Variants in SHANK2 observed in about 807,000 individuals in gnomAD.
The protein encoded by SHANK2 is SH3 and multiple ankyrin repeat domains 2.
A neutral mutation model predicts 133.7 loss-of-function variants in SHANK2; 43 were observed. That is an observed-to-expected ratio of 0.32 (90% CI 0.25 to 0.41). The LOEUF is 0.41. Among genes scored for constraint, SHANK2 ranks in the 10% least tolerant of loss-of-function variants. SHANK2 has a pLI of 1.00. For missense variants in SHANK2, 1,994 were observed against 2,235.8 expected (o/e 0.89, Z 2.18); for synonymous variants, 1,017 against 952.8 (o/e 1.07, Z -1.24).
intron 14 of SHANK2, among the ~76,000 whole-genome samples, chr11:70,699,934 G>A (rs1274514076): frequency 6.6e-6 from 1 of 152,194 alleles, no homozygotes; most frequent in Non-Finnish European, 1.5e-5. Flanking sequence ...TCCAAGCTTA[G>A]GCTTTTTAGA....
chr11:70,866,876 G>A (rs1390762248), intron 11 of SHANK2, among the ~76,000 whole-genome samples: 11 of 152,024 alleles, frequency 7.2e-5, no homozygotes, highest in African/African-American at 2.7e-4. Flanking sequence ...GGAGCTTCAT[G>A]ACGGCCCTCG....
intron 9 of SHANK2, among the ~76,000 whole-genome samples, chr11:71,067,846 CAAT>C (rs1951087164): frequency 1.1e-5 from 1 of 89,142 alleles, no homozygotes; most frequent in Non-Finnish European, 2.9e-5. Context: ...CGCTCACCAA[CAAT>C]ATGACCACTG....
intron 14 of SHANK2, among the ~76,000 whole-genome samples, chr11:70,794,369 C>T (rs547397721): frequency 1.3e-5 from 2 of 151,894 alleles, no homozygotes; most frequent in South Asian, 4.2e-4. Flanking sequence ...AAGTTGGGCC[C>T]GAGAGTACAA....
chr11:70,505,625 A>T (rs1486781032), intron 17 of SHANK2, among the ~76,000 whole-genome samples: 2 of 152,104 alleles, frequency 1.3e-5, no homozygotes, highest in Non-Finnish European at 2.9e-5. Context: ...CAACCAAGAA[A>T]GTGCATATTA....
chr11:70,585,826 T>TCCC (rs2060241753), intron 17 of SHANK2, among the ~76,000 whole-genome samples: 1 of 119,224 alleles, frequency 8.4e-6, no homozygotes, highest in Non-Finnish European at 1.7e-5. Flanking sequence ...ATCCATTTGC[T>TCCC]CACCCACCCA....
chr11:70,730,826 C>CTT (rs34081906), intron 14 of SHANK2, among the ~76,000 whole-genome samples: 2 of 127,394 alleles, frequency 1.6e-5, no homozygotes, highest in African/African-American at 3.1e-5. Context: ...TTTTTTATTT[C>CTT]TTTTTTTTTT....
chr11:71,132,939 T>C (rs1952347151), intron 3 of SHANK2, among the ~76,000 whole-genome samples: 1 of 152,322 alleles, frequency 6.6e-6, no homozygotes, highest in East Asian at 1.9e-4. Flanking sequence ...GAGGGAAGGC[T>C]GAGGGGCTGG....
At chr11:71,098,146 T>TGC (rs1170171058) in intron 6 of SHANK2, among the ~76,000 whole-genome samples, 1 of 151,156 alleles carries the variant, frequency 6.6e-6, no homozygotes, top group Non-Finnish European at 1.5e-5. Context: ...CCTGTGTGCA[T>TGC]GCATGCCTGT....
intron 3 of SHANK2, among the ~76,000 whole-genome samples, chr11:71,137,334 A>G (rs72957680): frequency 0.01 from 1,547 of 148,348 alleles, 17 homozygotes; most frequent in Middle Eastern, 0.021. Context: ...ACTGCTATCT[A>G]AGAGAGCAAA....
chr11:70,815,180 ACACACACACACACACACACACACACACAC>A (rs1555054018), intron 12 of SHANK2, among the ~76,000 whole-genome samples: 4 of 5,630 alleles, frequency 7.1e-4, no homozygotes, highest in Admixed American at 2.2e-3. Flanking sequence ...GAAGAAACAC[ACACACACACACACACACACACACACACAC>A]ACACACACAC....
At chr11:70,622,984 C>A (rs2060851647) in intron 17 of SHANK2, among the ~76,000 whole-genome samples, 1 of 152,110 alleles carries the variant, frequency 6.6e-6, no homozygotes, top group South Asian at 2.1e-4. Flanking sequence ...TGAGACCAGC[C>A]TGACCAACAT....
At chr11:71,216,435 G>A (rs1954415301) in intron 2 of SHANK2, among the ~76,000 whole-genome samples, 1 of 152,170 alleles carries the variant, frequency 6.6e-6, no homozygotes, top group African/African-American at 2.4e-5. Context: ...AGATGAAATG[G>A]AGATTTGTGG....
chr11:70,524,018 A>C (rs2059364423), intron 17 of SHANK2, among the ~76,000 whole-genome samples: 1 of 152,190 alleles, frequency 6.6e-6, no homozygotes, highest in South Asian at 2.1e-4. Context: ...GTGACTAGCA[A>C]GGGAATATTA....
Position 70,798,460 on chromosome 11 carries a change from G to C in SHANK2, c.1760C>G (p.Pro587Arg). The C allele has an allele frequency of 1.4e-6, 1 of 718,440 alleles. No individual in the cohort carries two copies. The highest frequency in any genetic ancestry group is 2.6e-6 in the Non-Finnish European group (1 of 385,104). 44.5% of individuals were successfully genotyped at this position (718,440 alleles called of 1,614,324 possible). Reference protein sequence around the residue: ...AECVEEVQCKPRDSQAETRAD... With the variant: ...AECVEEVQCKRRDSQAETRAD... ...CGCCTTACCTGCCTGGCTGTCCCTG[G>C]GCTTACACTGGACCTCCTCCACGCA... The change falls in exon 14 of 26, where the codon CCC becomes CGC. Residue 587 changes from proline (P) to arginine (R), a missense_variant. Physicochemically the swap from Pro to Arg is moderately radical, Grantham distance 103. This residue lies in a region of SHANK2 where 653 missense variants were observed against 563.4 expected (regional missense o/e 1.16). Transcript: ENST00000601538.
chr11:70,556,595 T>C (rs1591576162), intron 17 of SHANK2, among the ~76,000 whole-genome samples: 1 of 149,120 alleles, frequency 6.7e-6, no homozygotes, highest in African/African-American at 2.4e-5. Flanking sequence ...TTTTTCTTTT[T>C]TTTTTTTTTT....
chr11:70,690,911 C>A (rs560214369), intron 15 of SHANK2, among the ~76,000 whole-genome samples: 2 of 151,864 alleles, frequency 1.3e-5, no homozygotes, highest in African/African-American at 2.4e-5. Flanking sequence ...TTAAGAAATA[C>A]GGGAGTAATC....
intron 3 of SHANK2, among the ~76,000 whole-genome samples, chr11:71,144,939 G>C (rs1952616737): frequency 1.3e-5 from 2 of 152,370 alleles, no homozygotes; most frequent in South Asian, 4.1e-4. Context: ...CCTGCAGAGG[G>C]ACGTGTCGGA....
chr11:70,820,613 CG>C lies in SHANK2; in HGVS notation c.1243del (p.Arg415GlyfsTer142). ...GTCACTGTTGGAGCGCAGCAGGACC[CG>C]GGGGGCGGCCAGCGTGTTGGGGGGC... ...RRPPNTLAAP[R>X]VLLRSNSDNN... On this transcript the variant is annotated frameshift_variant, in exon 12 of 26. Transcript: ENST00000601538. LOFTEE classifies it high-confidence loss of function. The C allele has an allele frequency of 2.8e-6, 2 of 713,762 alleles. No homozygotes were observed. The highest frequency in any genetic ancestry group is 5.2e-6 in the Non-Finnish European group (2 of 382,816). 44.2% of individuals were successfully genotyped at this position (713,762 alleles called of 1,614,324 possible).
intron 11 of SHANK2, among the ~76,000 whole-genome samples, chr11:70,837,330 A>C (rs1286807807): frequency 6.6e-6 from 1 of 151,668 alleles, no homozygotes; most frequent in Non-Finnish European, 1.5e-5. Context: ...GCTCCCTCCC[A>C]CTGGCCTGGA....
Sources: allele counts gnomAD v4.1 joint callset (sites outside exome capture counted in the v4.1 genomes callset), GRCh38; gene constraint gnomAD v4.1.1; regional missense constraint gnomAD v4.1.1; transcripts MANE v1.5; gene names NCBI Gene and HGNC (gene_info 2026-07-23, HGNC 2026-07-21).